The following CSMD3 variants were observed in gnomAD, a reference collection of about 807,000 sequenced individuals.
The protein encoded by CSMD3 is CUB and sushi domain-containing protein 3.
Under a neutral mutation model 435.2 loss-of-function variants are expected in CSMD3, and 177 were observed. The ratio of observed to expected loss-of-function variants is 0.41; its 90% CI spans 0.36 to 0.46. The LOEUF is 0.46. Among genes scored for constraint, CSMD3 ranks in the 20% least tolerant of loss-of-function variants. The pLI is 0.34. For missense variants in CSMD3, 4,265 were observed against 4,504.6 expected (o/e 0.95, Z 1.52); for synonymous variants, 1,656 against 1,520.5 (o/e 1.09, Z -2.07).
At chr8:112,921,794 A>G (rs1241446921) in intron 9 of CSMD3, 43 bp from the exon 10 acceptor site, 1 of 1,481,688 alleles carries the variant, frequency 6.7e-7, no homozygotes, top group East Asian at 2.3e-5. Context: ...AGAAAGATGC[A>G]ACATAATAAC....
chr8:113,028,472 C>A (rs1295360605), intron 5 of CSMD3, among the ~76,000 whole-genome samples: 4 of 151,128 alleles, frequency 2.6e-5, no homozygotes, highest in Admixed American at 1.3e-4. Context: ...AAATTATTAA[C>A]CTGAGTGAGA....
At chr8:112,745,649 C>T (rs1038860112) in intron 13 of CSMD3, among the ~76,000 whole-genome samples, 1 of 151,716 alleles carries the variant, frequency 6.6e-6, no homozygotes, top group African/African-American at 2.4e-5. Context: ...CAAAAATTTA[C>T]TAATGTCAAT....
At chr8:112,854,334 A>G (rs1039864552) in intron 11 of CSMD3, among the ~76,000 whole-genome samples, 1 of 152,188 alleles carries the variant, frequency 6.6e-6, no homozygotes, top group Non-Finnish European at 1.5e-5. Flanking sequence ...TAAAAAATTC[A>G]TATGCAATTA....
At chr8:112,691,283 T>C (rs933646710) in intron 13 of CSMD3, among the ~76,000 whole-genome samples, 4 of 152,146 alleles carry the variant, frequency 2.6e-5, no homozygotes, top group Non-Finnish European at 4.4e-5. Flanking sequence ...TTAGACTTTT[T>C]TTATCTATCA....
intron 1 of CSMD3, among the ~76,000 whole-genome samples, chr8:113,423,118 A>AT (rs1287746488): frequency 6.6e-6 from 1 of 152,042 alleles, no homozygotes; most frequent in Non-Finnish European, 1.5e-5. Flanking sequence ...TATGAAAATA[A>AT]TTTTTGACTG....
At chr8:113,260,351 T>C (rs2093416929) in intron 3 of CSMD3, among the ~76,000 whole-genome samples, 1 of 152,204 alleles carries the variant, frequency 6.6e-6, no homozygotes, top group East Asian at 1.9e-4. Flanking sequence ...TTTGTTCAGT[T>C]ATTCATGTTC....
chr8:112,896,348 T>C lies in CSMD3; in HGVS notation c.1633+25279A>G, dbSNP rs968650340. Among the ~76,000 whole-genome samples, 13 of 151,368 alleles carry C rather than the reference T, an allele frequency of 8.6e-5. No homozygotes were observed. The South Asian group carries it at 2.3e-3, about 27-fold the overall frequency. On this transcript the variant is annotated intron_variant, in intron 10 of 70. Coordinates refer to ENST00000297405, the MANE Select transcript of CSMD3 (RefSeq NM_198123.2). ...TTGGAGCTGCCCGATAGATATGAAG[T>C]GATAAAAAGATGAGCAATTTCTGCC...
At chr8:112,861,383 A>G (rs1227509117) in intron 10 of CSMD3, among the ~76,000 whole-genome samples, 1 of 151,860 alleles carries the variant, frequency 6.6e-6, no homozygotes, top group Non-Finnish European at 1.5e-5. Flanking sequence ...GAGGACCTAA[A>G]TTTATTTTCT....
chr8:113,355,464 T>C (rs1333785068), intron 1 of CSMD3, among the ~76,000 whole-genome samples: 1 of 151,936 alleles, frequency 6.6e-6, no homozygotes, highest in Non-Finnish European at 1.5e-5. Context: ...GCCACTTTCT[T>C]GCTGTATCCT....
At chr8:112,613,817 A>G (rs1333486242) in intron 22 of CSMD3, among the ~76,000 whole-genome samples, 2 of 152,138 alleles carry the variant, frequency 1.3e-5, no homozygotes, top group African/African-American at 4.8e-5. Flanking sequence ...GACAATAACC[A>G]AATATAGAAA....
intron 6 of CSMD3, among the ~76,000 whole-genome samples, chr8:113,005,928 T>A (rs1462180327): frequency 6.6e-6 from 1 of 151,998 alleles, no homozygotes; most frequent in Non-Finnish European, 1.5e-5. Context: ...CACAAAAAAT[T>A]TTTCCAAACT....
At chr8:112,634,163 A>G (rs1257118150) in intron 22 of CSMD3, among the ~76,000 whole-genome samples, 1 of 152,024 alleles carries the variant, frequency 6.6e-6, no homozygotes, top group East Asian at 1.9e-4. Flanking sequence ...CAAATAAACT[A>G]ACATTCCTAA....
chr8:112,970,139 A>G (rs1368019105), intron 7 of CSMD3, among the ~76,000 whole-genome samples: 1 of 152,076 alleles, frequency 6.6e-6, no homozygotes, highest in Admixed American at 6.6e-5. Context: ...TCTAAAATAG[A>G]TAATTCTAGA....
chr8:113,405,764 G>A (rs146959666), intron 1 of CSMD3, among the ~76,000 whole-genome samples: 1 of 151,800 alleles, frequency 6.6e-6, no homozygotes, highest in East Asian at 1.9e-4. Flanking sequence ...CTTCTTAAAA[G>A]TTATATTCAA....
Position 112,337,744 on chromosome 8 carries a change from AAAAG to A in CSMD3, c.6653-17_6653-14del, listed in dbSNP as rs752846803. 8 of 1,602,586 alleles carry A rather than the reference AAAAG, an allele frequency of 5.0e-6. No homozygotes were observed. Among genetic ancestry groups the A allele is most frequent in the Non-Finnish European group, 6.8e-6 (8 of 1,172,606 alleles). On this transcript the variant is annotated splice_polypyrimidine_tract_variant and intron_variant, in intron 42 of 70. Coordinates refer to ENST00000297405, the MANE Select transcript of CSMD3 (RefSeq NM_198123.2). The stretch of plus-strand genomic sequence containing the variant: ...TGCAACTGATAGGCTGGAAAGAGGA[AAAAG>A]AAAGACATTTTTTCTTTCCAAATTT...
chr8:112,390,670 G>A lies in CSMD3; in HGVS notation c.5928C>T (p.Gly1976=), dbSNP rs138314995. 7 of 1,612,668 alleles carry A rather than the reference G, an allele frequency of 4.3e-6. No individual in the cohort carries two copies. In the African/African-American group the frequency reaches 9.3e-5, roughly 22 times the overall value. The change falls in exon 36 of 71, where the codon GGC becomes GGT. Residue 1976 remains glycine, a synonymous_variant. Transcript: ENST00000297405. ...VWKITVPEGA[G]IQVQVVSFAT... ...AAAACTTAAATATTCTTACTTGAAT[G>A]CCAGCTCCCTCTGGCACTGTGATCT...
intron 3 of CSMD3, among the ~76,000 whole-genome samples, chr8:113,193,263 T>A (rs918981317): frequency 1.3e-5 from 2 of 151,332 alleles, no homozygotes; most frequent in African/African-American, 4.8e-5. Context: ...AGACAAGACC[T>A]CCAATATTTA....
chr8:112,755,634 G>A (rs2077681239), intron 13 of CSMD3, among the ~76,000 whole-genome samples: 1 of 150,486 alleles, frequency 6.6e-6, no homozygotes, highest in African/African-American at 2.4e-5. Context: ...GGTGAGAACG[G>A]ACTAATAGAG....
chr8:112,448,015 C>T (rs1815813386), intron 32 of CSMD3, among the ~76,000 whole-genome samples: 1 of 152,062 alleles, frequency 6.6e-6, no homozygotes, highest in Non-Finnish European at 1.5e-5. Context: ...CATACTAGAC[C>T]AGGCTGTGTA....
Sources: gnomAD v4.1 joint callset for allele counts (sites outside exome capture counted in the v4.1 genomes callset) on GRCh38, gnomAD v4.1.1 for gene constraint, MANE v1.5 for transcripts, NCBI Gene and HGNC (gene_info 2026-07-23, HGNC 2026-07-21) for gene names.